PLXNA1: variants seen among roughly 807,000 people sequenced by gnomAD.
PLXNA1 encodes plexin-A1.
PLXNA1 carries 77 observed loss-of-function variants against 191.7 expected under a neutral mutation model. That is an observed-to-expected ratio of 0.40 (90% CI 0.33 to 0.49). The LOEUF (loss-of-function observed/expected upper bound fraction) is 0.49. Ranked by LOEUF, PLXNA1 falls within the 20% of genes least tolerant of loss-of-function variation. The pLI is 0.63. For missense variants in PLXNA1, 2,110 were observed against 2,660.2 expected (o/e 0.79, Z 4.55); for synonymous variants, 1,137 against 1,156.4 (o/e 0.98, Z 0.34).
At chr3:126,983,812 A>G (rs1461798089) in intron 1 of PLXNA1, among the ~76,000 whole-genome samples, 1 of 151,880 alleles carries the variant, frequency 6.6e-6, no homozygotes, top group African/African-American at 2.4e-5. Context: ...AGGCCCGGAT[A>G]GGGATCGGAG....
rs576626735 is a variant in PLXNA1, at chr3:127,005,207, T to G, written c.1861T>G (p.Ser621Ala). The change falls in exon 7 of 32, where the codon TCC (serine) becomes GCC (alanine). Residue 621 changes from serine (S) to alanine (A), a missense_variant. By Grantham distance (99) the Ser-to-Ala change is moderately conservative. Coordinates refer to ENST00000393409, the MANE Select transcript of PLXNA1 (RefSeq NM_032242.4). ...EDGRIHCRSP[S>A]AREVAPITRG... The stretch of plus-strand genomic sequence containing the variant: ...TGGCCGGATCCACTGCCGCTCACCC[T>G]CCGCCCGGGAGGTGGCGCCCATCAC... 3.1e-6 allele frequency: 5 copies of G among 1,611,286 alleles called. No individual in the cohort carries two copies. In the East Asian group the frequency reaches 1.1e-4, roughly 36 times the overall value.
intron 31 of PLXNA1, 38 bp from the exon 32 acceptor site, chr3:127,033,884 G>A (rs911990301): frequency 3.3e-6 from 5 of 1,535,180 alleles, no homozygotes; most frequent in Non-Finnish European, 4.4e-6. Flanking sequence ...CATGGAGGCT[G>A]GTGGCCCGGC....
chr3:126,992,467 G>A (rs2078995515), intron 3 of PLXNA1, among the ~76,000 whole-genome samples: 1 of 152,132 alleles, frequency 6.6e-6, no homozygotes, highest in South Asian at 2.1e-4. Context: ...CTCTCAGCCC[G>A]GTGCCCAGTG....
intron 23 of PLXNA1, among the ~76,000 whole-genome samples, chr3:127,025,165 C>G (rs935691571): frequency 1.3e-5 from 2 of 152,120 alleles, no homozygotes; most frequent in African/African-American, 4.8e-5. Flanking sequence ...CATGTATCCA[C>G]CGTTATAGTG....
At chr3:127,023,705 G>T (rs141182948) in intron 23 of PLXNA1, among the ~76,000 whole-genome samples, 1 of 152,254 alleles carries the variant, frequency 6.6e-6, no homozygotes, top group East Asian at 1.9e-4. Context: ...GGTGATCAGC[G>T]CACAGATGCC....
At chr3:127,002,174 C>T (rs1231705396) in intron 3 of PLXNA1, among the ~76,000 whole-genome samples, 1 of 152,238 alleles carries the variant, frequency 6.6e-6, no homozygotes, top group Non-Finnish European at 1.5e-5. Context: ...GGGCCATGGC[C>T]CTGCAGCCAG....
intron 3 of PLXNA1, 71 bp from the exon 4 acceptor site, chr3:127,003,259 C>A (rs1184036870): frequency 1.3e-6 from 2 of 1,484,870 alleles, no homozygotes; most frequent in Admixed American, 4.2e-5. Context: ...GACCCCTGAC[C>A]TTCTGTGGGG....
chr3:127,005,749 G>C (rs1401067799), intron 7 of PLXNA1, among the ~76,000 whole-genome samples: 1 of 152,100 alleles, frequency 6.6e-6, no homozygotes. Context: ...GGTTGGGTGG[G>C]GGACAGTCTC....
intron 27 of PLXNA1, 148 bp downstream of exon 27, chr3:127,029,684 C>A: frequency 9.2e-7 from 1 of 1,091,892 alleles, no homozygotes; most frequent in Non-Finnish European, 1.3e-6. Context: ...CCTTACCCTC[C>A]AGCTCTGGAG....
chr3:127,005,972 G>C (rs2079066802), intron 7 of PLXNA1, 107 bp from the exon 8 acceptor site: 2 of 813,672 alleles, frequency 2.5e-6, no homozygotes, highest in Non-Finnish European at 4.4e-6. Context: ...GCGACTGATG[G>C]TGGCAGCTAG....
At chr3:127,002,734 C>T (rs1486846945) in intron 3 of PLXNA1, among the ~76,000 whole-genome samples, 4 of 152,242 alleles carry the variant, frequency 2.6e-5, no homozygotes, top group East Asian at 1.9e-4. Context: ...CTTGCAGCAT[C>T]GTGAGCTGCG....
intron 16 of PLXNA1, 99 bp downstream of exon 16, chr3:127,016,783 G>C: frequency 1.4e-6 from 2 of 1,453,902 alleles, no homozygotes; most frequent in Non-Finnish European, 1.9e-6. Context: ...CCTCCTGCAT[G>C]CCGGGTACTA....
At chr3:127,022,442 A>G in intron 22 of PLXNA1, 101 bp downstream of exon 22, 3 of 1,456,948 alleles carry the variant, frequency 2.1e-6, no homozygotes, top group South Asian at 1.3e-5. Context: ...GGCAGTTCCC[A>G]CCGGGCAGGG....
At chr3:126,983,523 C>T (rs1338232877) in intron 1 of PLXNA1, among the ~76,000 whole-genome samples, 3 of 146,284 alleles carry the variant, frequency 2.1e-5, no homozygotes, top group Admixed American at 6.8e-5. Flanking sequence ...CGCGTGTGTC[C>T]GGGCGCGGTC....
In PLXNA1 at chr3:127,015,306, C is replaced by A; in HGVS notation, c.3000C>A (p.Pro1000=). The A allele has an allele frequency of 6.2e-7, 1 of 1,607,172 alleles. No homozygotes were observed. The highest frequency in any genetic ancestry group is 8.5e-7 in the Non-Finnish European group (1 of 1,178,492). Residue 1000 remains proline (P), a synonymous_variant, in exon 15 of 32, where the codon CCC becomes CCA. Transcript: ENST00000393409. ...TGGCTGTGTCGGTCGGTGGCCGGCC[C>A]TGCTCCTTCTCCTGGTACGGGGTGC... ...SDVAVSVGGR[P]CSFSWRNSRE... is the part of the protein sequence containing the mutation.
At chr3:127,026,013 G>A (rs1427494843) in intron 23 of PLXNA1, among the ~76,000 whole-genome samples, 8 of 152,228 alleles carry the variant, frequency 5.3e-5, no homozygotes, top group Admixed American at 5.2e-4. Flanking sequence ...TTGTCGTAAT[G>A]TCATTTATTG....
At position 127,034,065 on chromosome 3, in the gene PLXNA1, C is replaced by A. The variant is rs1330682534; in HGVS notation, c.*48C>A. 1.3e-6 allele frequency: 2 copies of A among 1,505,586 alleles called. No homozygotes were observed. The highest frequency in any genetic ancestry group is 1.4e-5 in the African/African-American group (1 of 72,832). 93.3% of individuals were successfully genotyped at this position (1,505,586 alleles called of 1,614,324 possible). A position where few individuals can be genotyped will look rare whatever the true frequency, so the allele number is the denominator to read the frequency against. On this transcript the variant is annotated 3_prime_UTR_variant, in exon 32 of 32. Transcript: ENST00000393409. Reference sequence around the variant, plus strand: ...ATGATGCAGCGTGAGGACAGCTGAGCAGGGACCGGGACAGCCCTCACCGCA... The same window carrying A: ...ATGATGCAGCGTGAGGACAGCTGAGAAGGGACCGGGACAGCCCTCACCGCA...
intron 5 of PLXNA1, 65 bp downstream of exon 5, chr3:127,004,776 G>T: frequency 6.3e-7 from 1 of 1,593,714 alleles, no homozygotes; most frequent in South Asian, 1.1e-5. Context: ...GTGGGGGAGG[G>T]GGAGCCTGGT....
chr3:127,016,630 A>G lies in PLXNA1; in HGVS notation c.3128A>G (p.Asn1043Ser). 6.2e-7 allele frequency: 1 copy of G among 1,614,000 alleles called. No homozygotes were observed. The highest frequency in any genetic ancestry group is 8.5e-7 in the Non-Finnish European group (1 of 1,179,956). Residue 1043 changes from asparagine to serine, a missense_variant, in exon 16 of 32, where the codon AAC becomes AGC. By Grantham distance (46) the Asn-to-Ser change is conservative. Coordinates refer to ENST00000393409, the MANE Select transcript of PLXNA1 (RefSeq NM_032242.4). ...AQLTNPEVKY[N>S]YTEDPTILRI... ...CTCACCAACCCTGAGGTGAAGTACA[A>G]CTACACCGAGGACCCCACCATCCTG... is the stretch of plus-strand genomic sequence containing the variant.
Sources: gnomAD v4.1 joint callset for allele counts (sites outside exome capture counted in the v4.1 genomes callset) on GRCh38, gnomAD v4.1.1 for gene constraint, MANE v1.5 for transcripts, NCBI Gene and HGNC (gene_info 2026-07-23, HGNC 2026-07-21) for gene names.